The following NCKAP5 variants were observed in gnomAD, a reference collection of about 807,000 sequenced individuals.
NCKAP5 encodes the protein NCK associated protein 5, also known as nck-associated protein 5.
NCKAP5 carries 92 observed loss-of-function variants against 167.0 expected under a neutral mutation model. That is an observed-to-expected ratio of 0.55 (90% CI 0.47 to 0.66). The LOEUF is 0.66. Ranked by LOEUF, NCKAP5 falls within the 30% of genes least tolerant of loss-of-function variation. NCKAP5 has a pLI of 0.00. For synonymous variants in NCKAP5, 891 were observed against 877.4 expected (o/e 1.02, Z -0.27); for missense variants, 2,378 against 2,315.0 (o/e 1.03, Z -0.56).
chr2:132,734,903 C>T (rs13027476), intron 16 of NCKAP5, among the ~76,000 whole-genome samples: 11,791 of 152,226 alleles, frequency 0.077, 688 homozygotes, highest in East Asian at 0.26. Flanking sequence ...CAGGCAGCCA[C>T]GTGAGCAGAA....
intron 2 of NCKAP5, among the ~76,000 whole-genome samples, chr2:133,543,776 A>G (rs931766439): frequency 6.6e-6 from 1 of 152,204 alleles, no homozygotes; most frequent in African/African-American, 2.4e-5. Flanking sequence ...AAAACAATCA[A>G]TACTTATTTC....
intron 8 of NCKAP5, among the ~76,000 whole-genome samples, chr2:132,933,677 C>T (rs1213606512): frequency 7.9e-5 from 12 of 152,174 alleles, no homozygotes; most frequent in Non-Finnish European, 1.6e-4. Context: ...TAGCTTTGAT[C>T]TGATCAAAAT....
At chr2:132,974,908 G>T (rs180916322) in intron 7 of NCKAP5, among the ~76,000 whole-genome samples, 2 of 152,340 alleles carry the variant, frequency 1.3e-5, no homozygotes, top group East Asian at 3.9e-4. Context: ...AAATGGAAAT[G>T]CAGAGAGGCC....
At chr2:133,632,159 G>C in the NCKAP5 span, among the ~76,000 whole-genome samples, 1 of 152,224 alleles carries the variant, frequency 6.6e-6, no homozygotes, top group Admixed American at 6.5e-5. Flanking sequence ...AGGACTAGGG[G>C]AGGAATCATC....
intron 6 of NCKAP5, among the ~76,000 whole-genome samples, chr2:133,077,620 G>A (rs958392567): frequency 6.6e-6 from 1 of 152,184 alleles, no homozygotes; most frequent in Non-Finnish European, 1.5e-5. Flanking sequence ...TTCTCGTAAT[G>A]TAATTGTATC....
In NCKAP5 at chr2:132,973,501, T is replaced by C. The variant is rs2076892883; in HGVS notation, c.430-9632A>G. 2.0e-5 allele frequency among the ~76,000 whole-genome samples: 3 copies of C among 152,146 alleles called. 1 individual carries two copies. Among genetic ancestry groups the C allele is most frequent in the South Asian group, 4.1e-4 (2 of 4,824 alleles). On this transcript the variant is annotated intron_variant, in intron 7 of 19. Coordinates refer to ENST00000409261, the MANE Select transcript of NCKAP5 (RefSeq NM_207363.3). ...ATCCATAAAATAAAATGCACAAACATAGACTCACTCAAAGGTCTCTTCTCA... is the reference window on the plus strand; with the variant it reads ...ATCCATAAAATAAAATGCACAAACACAGACTCACTCAAAGGTCTCTTCTCA...
chr2:133,141,146 C>T (rs2082980624), intron 5 of NCKAP5, among the ~76,000 whole-genome samples: 1 of 152,104 alleles, frequency 6.6e-6, no homozygotes, highest in South Asian at 2.1e-4. Context: ...GGTTTAGAAA[C>T]TCCACAGATA....
chr2:133,189,299 A>G (rs2085097644), intron 5 of NCKAP5, among the ~76,000 whole-genome samples: 1 of 151,050 alleles, frequency 6.6e-6, no homozygotes, highest in Admixed American at 6.6e-5. Flanking sequence ...TTAATAGCCT[A>G]CCAACCAAAA....
intron 5 of NCKAP5, among the ~76,000 whole-genome samples, chr2:133,140,358 C>T (rs2082950125): frequency 6.6e-6 from 1 of 152,068 alleles, no homozygotes; most frequent in African/African-American, 2.4e-5. Flanking sequence ...AGATCTATGC[C>T]CCATTTTACC....
chr2:132,874,148 A>G (rs2044565), intron 9 of NCKAP5, among the ~76,000 whole-genome samples: 73,160 of 139,772 alleles, frequency 0.52, 19,121 homozygotes, highest in East Asian at 0.81. Flanking sequence ...TCGCTCTGTC[A>G]CCCAGGCTGG....
chr2:133,408,114 T>C (rs1006095808), intron 3 of NCKAP5, among the ~76,000 whole-genome samples: 3 of 152,172 alleles, frequency 2.0e-5, no homozygotes, highest in African/African-American at 4.8e-5. Flanking sequence ...AGCCAGGACC[T>C]GGGTCTGGTC....
At chr2:133,524,730 A>G (rs537120235) in intron 2 of NCKAP5, among the ~76,000 whole-genome samples, 4 of 152,328 alleles carry the variant, frequency 2.6e-5, no homozygotes, top group African/African-American at 9.6e-5. Flanking sequence ...TGATTTATTA[A>G]GTCCATAGAA....
chr2:132,853,339 C>A (rs1185075444), intron 11 of NCKAP5, among the ~76,000 whole-genome samples: 1 of 152,184 alleles, frequency 6.6e-6, no homozygotes, highest in Non-Finnish European at 1.5e-5. Context: ...TGGGGCCTAA[C>A]TGGCTGGGGC....
intron 5 of NCKAP5, among the ~76,000 whole-genome samples, chr2:133,179,839 A>G (rs921257923): frequency 5.3e-5 from 8 of 152,174 alleles, no homozygotes; most frequent in Non-Finnish European, 1.2e-4. Context: ...ACAGTGTCTC[A>G]GGAATGTGTA....
intron 16 of NCKAP5, among the ~76,000 whole-genome samples, chr2:132,757,111 C>T (rs1680617748): frequency 1.3e-5 from 2 of 152,140 alleles, no homozygotes; most frequent in African/African-American, 2.4e-5. Flanking sequence ...TTGCTCTTCC[C>T]CCTTCCTGAA....
intron 4 of NCKAP5, among the ~76,000 whole-genome samples, chr2:133,281,121 G>C (rs533020219): frequency 6.6e-6 from 1 of 152,090 alleles, no homozygotes; most frequent in African/African-American, 2.4e-5. Flanking sequence ...GTGACATTCC[G>C]TTTTTAACAG....
At chr2:133,340,752 G>C (rs1468127657) in intron 3 of NCKAP5, among the ~76,000 whole-genome samples, 1 of 152,158 alleles carries the variant, frequency 6.6e-6, no homozygotes, top group African/African-American at 2.4e-5. Flanking sequence ...TAGTACAAGA[G>C]TAAGCAGTGA....
chr2:132,945,739 C>T (rs1697668750), intron 8 of NCKAP5, among the ~76,000 whole-genome samples: 1 of 152,160 alleles, frequency 6.6e-6, no homozygotes. Flanking sequence ...AAAGATGTTA[C>T]TTTTTATTTA....
intron 4 of NCKAP5, among the ~76,000 whole-genome samples, chr2:133,249,375 C>T (rs2088181760): frequency 6.6e-6 from 1 of 152,156 alleles, no homozygotes; most frequent in Non-Finnish European, 1.5e-5. Context: ...TGAACAACCA[C>T]TAGAAAGTGG....
Sources: gnomAD v4.1 joint callset for allele counts (sites outside exome capture counted in the v4.1 genomes callset) on GRCh38, gnomAD v4.1.1 for gene constraint, MANE v1.5 for transcripts, NCBI Gene and HGNC (gene_info 2026-07-23, HGNC 2026-07-21) for gene names.